Variants in DLST observed in about 807,000 individuals in gnomAD.
The protein encoded by DLST is dihydrolipoamide S-succinyltransferase, also known as dihydrolipoyllysine-residue succinyltransferase component of 2-oxoglutarate dehydrogenase complex, mitochondrial.
Under a neutral mutation model 53.1 loss-of-function variants are expected in DLST, and 17 were observed. That is an observed-to-expected ratio of 0.32 (90% CI 0.22 to 0.48). DLST has a LOEUF of 0.48. Ranked by LOEUF, DLST falls within the 20% of genes least tolerant of loss-of-function variation. The pLI is 0.99. For synonymous variants in DLST, 206 were observed against 204.8 expected (o/e 1.01, Z -0.05); for missense variants, 512 against 583.9 (o/e 0.88, Z 1.27).
At chr14:74,884,769 T>C (rs1240380224) in intron 2 of DLST, among the ~76,000 whole-genome samples, 2 of 152,102 alleles carry the variant, frequency 1.3e-5, no homozygotes, top group Non-Finnish European at 2.9e-5. Flanking sequence ...TTGGGATGCT[T>C]GTGAGGAGGT....
chr14:74,898,627 T>G, intron 11 of DLST, 128 bp downstream of exon 11: 1 of 1,178,072 alleles, frequency 8.5e-7, no homozygotes, highest in African/African-American at 1.6e-5. Context: ...TATCAGTATC[T>G]TCCCCAGGGA....
intron 10 of DLST, among the ~76,000 whole-genome samples, chr14:74,895,348 T>TA (rs1884043679): frequency 6.6e-6 from 1 of 152,250 alleles, no homozygotes; most frequent in African/African-American, 2.4e-5. Flanking sequence ...ATTGTTGACT[T>TA]ACCTGTTTTC....
chr14:74,896,646 TTC>T (rs1884085153), intron 10 of DLST, among the ~76,000 whole-genome samples: 1 of 152,232 alleles, frequency 6.6e-6, no homozygotes, highest in African/African-American at 2.4e-5. Context: ...AGCCAAAGAT[TTC>T]TCTCTTGTTC....
chr14:74,899,097 C>T (rs113953698), intron 11 of DLST, among the ~76,000 whole-genome samples: 4 of 152,136 alleles, frequency 2.6e-5, no homozygotes, highest in African/African-American at 4.8e-5. Context: ...GTCAGGGGCC[C>T]TAAAGGTCTA....
At position 74,888,107 on chromosome 14, in the gene DLST, C is replaced by G. The variant is rs563290032; in HGVS notation, c.147-988C>G. 5.3e-5 allele frequency among the ~76,000 whole-genome samples: 8 copies of G among 152,256 alleles called. No homozygotes were observed. The South Asian group carries it at 1.4e-3, about 28-fold the overall frequency. On this transcript the variant is annotated intron_variant, in intron 3 of 14. Coordinates refer to ENST00000334220, the MANE Select transcript of DLST (RefSeq NM_001933.5). ...AATGGCTTTGTGCATACAGGGTGAG[C>G]TGATTCTCCAGTTTATATTATTTAC... is the stretch of plus-strand genomic sequence containing the variant.
In DLST at chr14:74,903,392, C is replaced by CT. The variant is rs1884340156; in HGVS notation, c.*1063dup. 2.0e-5 allele frequency: 3 copies of CT among 152,278 alleles called. No homozygotes were observed. Among genetic ancestry groups the CT allele is most frequent in the Admixed American group, 2.0e-4 (3 of 15,278 alleles). 9.4% of individuals were successfully genotyped at this position (152,278 alleles called of 1,614,324 possible). ...ACGTGGACTGGGGTAGGAAACCACC[C>CT]TGAGGGTGTTAGTACCTAGTGGTGA... On this transcript the variant is annotated 3_prime_UTR_variant, in exon 15 of 15. Transcript: ENST00000334220.
In DLST at chr14:74,902,675, C is replaced by T; in HGVS notation, c.*345C>T. On this transcript the variant is annotated 3_prime_UTR_variant, in exon 15 of 15. Coordinates refer to ENST00000334220, the MANE Select transcript of DLST (RefSeq NM_001933.5). ...GTGCTGGTATACTATAGAGAAACCC[C>T]TGGGGACCATGTGATTAAGTTCCTA... 1 of 179,550 alleles carries T rather than the reference C, an allele frequency of 5.6e-6. No homozygotes were observed. Among genetic ancestry groups the T allele is most frequent in the Non-Finnish European group, 1.2e-5 (1 of 85,802 alleles). 11.1% of individuals were successfully genotyped at this position (179,550 alleles called of 1,614,324 possible). A position where few individuals can be genotyped will look rare whatever the true frequency, so the allele number is the denominator to read the frequency against.
intron 9 of DLST, among the ~76,000 whole-genome samples, chr14:74,893,753 T>A (rs1195951542): frequency 6.6e-6 from 1 of 152,208 alleles, no homozygotes; most frequent in Non-Finnish European, 1.5e-5. Flanking sequence ...AGAGGTGGTT[T>A]AGTGAGCTCT....
At chr14:74,891,452 A>G (rs930799375) in intron 7 of DLST, 16 of 1,047,654 alleles carry the variant, frequency 1.5e-5, no homozygotes, top group African/African-American at 1.7e-5. Context: ...CAGATTGAGC[A>G]TACCTAATCT....
At chr14:74,889,253 T>C in intron 4 of DLST, 22 bp from the exon 5 acceptor site, 1 of 1,611,266 alleles carries the variant, frequency 6.2e-7, no homozygotes, top group Non-Finnish European at 8.5e-7. Context: ...ACTTATGATT[T>C]TCTTTTTTGC....
intron 9 of DLST, among the ~76,000 whole-genome samples, chr14:74,893,691 G>A (rs1285003946): frequency 6.6e-6 from 1 of 152,150 alleles, no homozygotes; most frequent in Non-Finnish European, 1.5e-5. Context: ...TATTTGTAGG[G>A]GTGGTAGCTT....
At chr14:74,896,229 G>A (rs1307676212) in intron 10 of DLST, among the ~76,000 whole-genome samples, 1 of 152,230 alleles carries the variant, frequency 6.6e-6, no homozygotes, top group Admixed American at 6.5e-5. Context: ...CATTCCAGAT[G>A]ATGTTAACAG....
In DLST at chr14:74,889,809, C is replaced by CT. The variant is rs1364471832; in HGVS notation, c.275-86dup. On this transcript the variant is annotated intron_variant, in intron 5 of 14. Coordinates refer to ENST00000334220, the MANE Select transcript of DLST (RefSeq NM_001933.5). ...TCTGCTGGCCCTGTAGGAAAGGGTT[C>CT]TTATAACATACCTGCCAAAATGGGT... 1.1e-5 allele frequency: 15 copies of CT among 1,340,736 alleles called. No homozygotes were observed. The Admixed American group carries it at 1.8e-4, about 16-fold the overall frequency. 83.1% of individuals were successfully genotyped at this position (1,340,736 alleles called of 1,614,324 possible). A position where few individuals can be genotyped will look rare whatever the true frequency, so the allele number is the denominator to read the frequency against.
At chr14:74,888,720 A>C (rs925819699) in intron 3 of DLST, among the ~76,000 whole-genome samples, 1 of 152,170 alleles carries the variant, frequency 6.6e-6, no homozygotes, top group African/African-American at 2.4e-5. Context: ...AAAAAACAAA[A>C]AACCAAATCA....
Position 74,896,082 on chromosome 14 carries a change from C to T in DLST, c.770+1673C>T, listed in dbSNP as rs550235368. 3.4e-4 allele frequency among the ~76,000 whole-genome samples: 52 copies of T among 152,274 alleles called. No homozygotes were observed. In the South Asian group the frequency reaches 9.3e-3, roughly 27 times the overall value. On this transcript the variant is annotated intron_variant, in intron 10 of 14. Coordinates refer to ENST00000334220, the MANE Select transcript of DLST (RefSeq NM_001933.5). ...GTGTTGCCTAGGCTGGTCTCCTGAA[C>T]GTCTAGGGTCAAGCCATCCTCCTGC...
chr14:74,894,697 C>G lies in DLST; in HGVS notation c.770+288C>G, dbSNP rs568006066. ...AGTAGCTGGGAATACAGGCGCCCCC[C>G]ACCACGCCTGGCTAATTTTTTGTAT... On this transcript the variant is annotated intron_variant, in intron 10 of 14. Transcript: ENST00000334220. Among the ~76,000 whole-genome samples, 31 of 152,202 alleles carry G rather than the reference C, an allele frequency of 2.0e-4. 1 individual carries two copies. The highest frequency in any genetic ancestry group is 3.4e-3 in the Middle Eastern group (1 of 294).
chr14:74,889,205 T>C, intron 4 of DLST, 58 bp downstream of exon 4: 1 of 1,608,188 alleles, frequency 6.2e-7, no homozygotes, highest in Non-Finnish European at 8.5e-7. Flanking sequence ...ATTGATTGAG[T>C]TTAATTAAAG....
At position 74,902,229 on chromosome 14, in the gene DLST, A is replaced by T; in HGVS notation, c.1261A>T (p.Thr421Ser). The T allele has an allele frequency of 6.2e-7, 1 of 1,611,904 alleles. No individual in the cohort carries two copies. The highest frequency in any genetic ancestry group is 8.5e-7 in the Non-Finnish European group (1 of 1,178,810). Residue 421 changes from threonine to serine, a missense_variant, in exon 15 of 15, where the codon ACC becomes TCC. Coordinates refer to ENST00000334220, the MANE Select transcript of DLST (RefSeq NM_001933.5). ...GCGGCCCATGATGTACGTGGCACTGACCTATGATCACCGGCTGATTGATGG... is the reference window on the plus strand; with the variant it reads ...GCGGCCCATGATGTACGTGGCACTGTCCTATGATCACCGGCTGATTGATGG... Reference protein sequence around the residue: ...EVRPMMYVALTYDHRLIDGRE... With the variant: ...EVRPMMYVALSYDHRLIDGRE...
chr14:74,901,015 G>A (rs752628454), intron 13 of DLST, 51 bp from the exon 14 acceptor site: 1 of 1,592,956 alleles, frequency 6.3e-7, no homozygotes, highest in South Asian at 1.1e-5. Context: ...CTGACTTTAG[G>A]TGAAGGAAAC....
Sources: gnomAD v4.1 joint callset for allele counts (sites outside exome capture counted in the v4.1 genomes callset) on GRCh38, gnomAD v4.1.1 for gene constraint, MANE v1.5 for transcripts, NCBI Gene and HGNC (gene_info 2026-07-23, HGNC 2026-07-21) for gene names.